MECOM: variants seen among roughly 807,000 people sequenced by gnomAD.
MECOM encodes MDS1 and EVI1 complex locus.
MECOM carries 13 observed loss-of-function variants against 116.3 expected under a neutral mutation model. The ratio of observed to expected loss-of-function variants is 0.11; its 90% confidence interval spans 0.07 to 0.18. The LOEUF (loss-of-function observed/expected upper bound fraction) is 0.18, where lower values mean the gene tolerates loss of function less well. Ranked by LOEUF, MECOM falls within the 10% of genes least tolerant of loss-of-function variation. The pLI is 1.00. For synonymous variants in MECOM, 528 were observed against 535.2 expected (o/e 0.99, Z 0.19); for missense variants, 1,299 against 1,509.0 (o/e 0.86, Z 2.31).
intron 2 of MECOM, among the ~76,000 whole-genome samples, chr3:169,345,900 G>A (rs1339614124): frequency 1.2e-4 from 19 of 152,088 alleles, no homozygotes; most frequent in Admixed American, 1.2e-3. Flanking sequence ...GTCAACACTG[G>A]TGAAAACAAT....
chr3:169,613,220 A>G (rs1769495697), intron 1 of MECOM, among the ~76,000 whole-genome samples: 1 of 152,198 alleles, frequency 6.6e-6, no homozygotes, highest in Non-Finnish European at 1.5e-5. Flanking sequence ...TCTCATTTAT[A>G]TCGAAGACAT....
At chr3:169,345,012 C>G (rs1725107591) in intron 2 of MECOM, among the ~76,000 whole-genome samples, 1 of 152,144 alleles carries the variant, frequency 6.6e-6, no homozygotes, top group South Asian at 2.1e-4. Context: ...GCTACTACTG[C>G]TGCACATTAT....
At chr3:169,533,406 C>G (rs1758901614) in intron 1 of MECOM, among the ~76,000 whole-genome samples, 1 of 152,012 alleles carries the variant, frequency 6.6e-6, no homozygotes, top group Admixed American at 6.6e-5. Context: ...TTTGATTTTC[C>G]TTCTTTCCAA....
intron 13 of MECOM, 115 bp downstream of exon 13, chr3:169,094,961 A>C (rs1306371410): frequency 2.2e-6 from 2 of 901,744 alleles, no homozygotes; most frequent in Non-Finnish European, 3.1e-6. Context: ...TTTTTACAAT[A>C]AGACCTGATT....
At chr3:169,609,457 A>AC (rs1768982978) in intron 1 of MECOM, among the ~76,000 whole-genome samples, 1 of 149,190 alleles carries the variant, frequency 6.7e-6, no homozygotes, top group Non-Finnish European at 1.5e-5. Flanking sequence ...TCAGTTAATC[A>AC]TTTTTTTTTT....
At chr3:169,488,353 C>T (rs551721315) in intron 1 of MECOM, among the ~76,000 whole-genome samples, 1 of 145,698 alleles carries the variant, frequency 6.9e-6, no homozygotes, top group Non-Finnish European at 1.5e-5. Flanking sequence ...ATGGTAAAAC[C>T]CTGTCTCTAC....
chr3:169,110,193 C>G (rs928129680), intron 9 of MECOM, among the ~76,000 whole-genome samples: 1 of 152,092 alleles, frequency 6.6e-6, no homozygotes, highest in African/African-American at 2.4e-5. Flanking sequence ...TTGATCTGTG[C>G]CCCCCTTACT....
intron 2 of MECOM, among the ~76,000 whole-genome samples, chr3:169,203,680 G>A (rs1383505876): frequency 1.3e-5 from 2 of 152,114 alleles, no homozygotes; most frequent in Non-Finnish European, 2.9e-5. Flanking sequence ...CTAAGTAAGA[G>A]TGTCAATGCA....
At chr3:169,485,987 A>G (rs1467554290) in intron 1 of MECOM, among the ~76,000 whole-genome samples, 9 of 92,676 alleles carry the variant, frequency 9.7e-5, no homozygotes, top group Admixed American at 8.7e-4. Flanking sequence ...TATATATAGT[A>G]TATATATGTA....
At chr3:169,508,938 T>A (rs1445014417) in intron 1 of MECOM, among the ~76,000 whole-genome samples, 1 of 152,236 alleles carries the variant, frequency 6.6e-6, no homozygotes, top group Non-Finnish European at 1.5e-5. Context: ...TCATCCTGCC[T>A]ATATACAATC....
At chr3:169,106,585 A>AT (rs577359957) in intron 10 of MECOM, among the ~76,000 whole-genome samples, 33 of 152,286 alleles carry the variant, frequency 2.2e-4, no homozygotes, top group Admixed American at 1.8e-3. Context: ...GTTTCAAAGC[A>AT]TTGCAACGGC....
At chr3:169,335,864 C>A (rs1378851296) in intron 2 of MECOM, among the ~76,000 whole-genome samples, 1 of 151,896 alleles carries the variant, frequency 6.6e-6, no homozygotes, top group East Asian at 1.9e-4. Context: ...ACAAAGAAAT[C>A]CATTTTACTA....
chr3:169,263,619 C>T (rs1468630702), intron 2 of MECOM, among the ~76,000 whole-genome samples: 4 of 151,814 alleles, frequency 2.6e-5, no homozygotes, highest in Admixed American at 2.6e-4. Context: ...AATTCTAGGC[C>T]TCAATTAATT....
In MECOM at chr3:169,146,282, C is replaced by G; in HGVS notation, c.376-2450G>C. 4 of 1,255,990 alleles carry G rather than the reference C, an allele frequency of 3.2e-6. No individual in the cohort carries two copies. In the South Asian group the frequency reaches 4.6e-5, roughly 15 times the overall value. The allele number at this position is 1,255,990 out of a possible 1,614,324, so 77.8% of individuals were successfully genotyped here. ...TCGCGAAGCAGCACACGATGTTGGA[C>G]AGCAAAGCTGTTACTTGGCAAGGTG... On this transcript the variant is annotated intron_variant, in intron 2 of 16. Transcript: ENST00000651503.
chr3:169,140,712 T>C (rs1737841641), intron 3 of MECOM, among the ~76,000 whole-genome samples: 1 of 140,078 alleles, frequency 7.1e-6, no homozygotes, highest in Non-Finnish European at 1.6e-5. Flanking sequence ...ATGAAATAAC[T>C]CACAGAAATC....
rs769464859 is a variant in MECOM, at chr3:169,381,274, G to A, written c.288C>T (p.Thr96=). 1.1e-5 allele frequency: 18 copies of A among 1,613,614 alleles called. No individual in the cohort carries two copies. The highest frequency in any genetic ancestry group is 1.5e-5 in the Non-Finnish European group (18 of 1,179,798). Residue 96 remains threonine, a synonymous_variant, in exon 2 of 17, where the codon ACC becomes ACT. Coordinates refer to ENST00000651503, the MANE Select transcript of MECOM (RefSeq NM_004991.4). ...NMPGAGLGIW[T]KRKIEVGEKF... is the part of the protein sequence containing the mutation. ...TTTCACCTACTTCGATCTTCCTTTT[G>A]GTCCATATTCCTAGTCCTGCCCCAG...
At chr3:169,374,320 T>C (rs964949064) in intron 2 of MECOM, among the ~76,000 whole-genome samples, 2 of 151,928 alleles carry the variant, frequency 1.3e-5, no homozygotes, top group African/African-American at 4.8e-5. Context: ...TGTGTGAATA[T>C]AAATTTCTAT....
Position 169,086,428 on chromosome 3 carries a change from C to T in MECOM, c.3586-1385G>A, listed in dbSNP as rs147095645. 1,200 of 616,500 alleles carry T rather than the reference C, an allele frequency of 1.9e-3. 10 individuals carry two copies. In the African/African-American group the frequency reaches 0.021, roughly 11 times the overall value. The allele number at this position is 616,500 out of a possible 1,614,324, so 38.2% of individuals were successfully genotyped here. ...TACTCTGAAAGAGTTAAAACAAATT[C>T]TGATATTTGGGAAGATAAAAAGGAG... On this transcript the variant is annotated intron_variant, in intron 16 of 16. Transcript: ENST00000651503.
intron 1 of MECOM, among the ~76,000 whole-genome samples, chr3:169,588,820 A>G (rs191870979): frequency 7.9e-5 from 12 of 152,302 alleles, no homozygotes; most frequent in African/African-American, 2.4e-4. Flanking sequence ...ATTTAACTCA[A>G]AGAAGCTGTT....
Sources: gnomAD v4.1 joint callset for allele counts (sites outside exome capture counted in the v4.1 genomes callset) on GRCh38, gnomAD v4.1.1 for gene constraint, MANE v1.5 for transcripts, NCBI Gene and HGNC (gene_info 2026-07-23, HGNC 2026-07-21) for gene names.